The following RIT2 variants were observed in gnomAD, a reference collection of about 807,000 sequenced individuals.
The protein encoded by RIT2 is GTP-binding protein Rit2.
Under a neutral mutation model 23.7 loss-of-function variants are expected in RIT2, and 24 were observed. The ratio of observed to expected loss-of-function variants is 1.01; its 90% CI spans 0.73 to 1.43. The LOEUF is 1.43. Among genes scored for constraint, RIT2 ranks in the 40% most tolerant of loss-of-function variants. RIT2 has a pLI of 0.00. For missense variants in RIT2, 236 were observed against 266.9 expected, an observed-to-expected ratio of 0.88 and a Z score of 0.81; for synonymous variants, 107 against 91.1, an observed-to-expected ratio of 1.17 and a Z score of -0.99.
chr18:42,763,976 G>A (rs970078530), intron 4 of RIT2, among the ~76,000 whole-genome samples: 1 of 152,204 alleles, frequency 6.6e-6, no homozygotes, highest in African/African-American at 2.4e-5. Flanking sequence ...GACCACCATT[G>A]TAGATGCAGT....
intron 4 of RIT2, among the ~76,000 whole-genome samples, chr18:42,819,693 A>G (rs952708064): frequency 3.3e-5 from 5 of 152,114 alleles, no homozygotes; most frequent in Admixed American, 1.3e-4. Flanking sequence ...AACATGTACA[A>G]CTGTTCTACC....
At chr18:42,788,604 C>T (rs184535490) in intron 4 of RIT2, among the ~76,000 whole-genome samples, 3 of 152,180 alleles carry the variant, frequency 2.0e-5, no homozygotes, top group Non-Finnish European at 4.4e-5. Context: ...TTAATATCAC[C>T]ACCAATTTTG....
chr18:43,015,569 CATG>C (rs1297876219), intron 2 of RIT2, among the ~76,000 whole-genome samples: 1 of 151,646 alleles, frequency 6.6e-6, no homozygotes, highest in Non-Finnish European at 1.5e-5. Context: ...CAAATAAAAA[CATG>C]ATAATTTTTG....
rs552913456 is a variant in RIT2 at position 42,788,654 on chromosome 18, A to G, written c.427-44934T>C. Among the ~76,000 whole-genome samples, 93 of 152,308 alleles carry G rather than the reference A, an allele frequency of 6.1e-4. No homozygotes were observed. The South Asian group carries it at 0.018, about 30-fold the overall frequency. On this transcript the variant is annotated intron_variant, in intron 4 of 4. Coordinates refer to ENST00000326695, the MANE Select transcript of RIT2 (RefSeq NM_002930.4). ...AAGTATTGGAAACCTCTCCAGCTCC[A>G]TGTAGTAGATGTAAATTTCCAAAAT... is the stretch of plus-strand genomic sequence containing the variant.
chr18:42,992,279 G>T (rs1430066206), intron 2 of RIT2, among the ~76,000 whole-genome samples: 1 of 152,090 alleles, frequency 6.6e-6, no homozygotes, highest in Admixed American at 6.5e-5. Context: ...ACTTGATAGT[G>T]GTCCCAAATA....
chr18:43,010,281 A>G (rs1366504744), intron 2 of RIT2, among the ~76,000 whole-genome samples: 1 of 151,844 alleles, frequency 6.6e-6, no homozygotes, highest in East Asian at 1.9e-4. Flanking sequence ...TCTAATAGAA[A>G]GGAATTAATG....
chr18:42,769,991 A>T (rs1913512405), intron 4 of RIT2, among the ~76,000 whole-genome samples: 1 of 151,952 alleles, frequency 6.6e-6, no homozygotes. Flanking sequence ...GTTTCTACAG[A>T]TCCAAGACAG....
chr18:43,008,376 G>T (rs947902234), intron 2 of RIT2, among the ~76,000 whole-genome samples: 1 of 151,120 alleles, frequency 6.6e-6, no homozygotes, highest in African/African-American at 2.4e-5. Context: ...TTTATCAATG[G>T]AGTTATAAAA....
chr18:42,920,155 T>G (rs1909018326), intron 4 of RIT2, among the ~76,000 whole-genome samples: 1 of 152,134 alleles, frequency 6.6e-6, no homozygotes, highest in South Asian at 2.1e-4. Context: ...TCCTGATTCT[T>G]CCTGCTCCTC....
chr18:42,782,699 G>C (rs368440805), intron 4 of RIT2, among the ~76,000 whole-genome samples: 4 of 152,234 alleles, frequency 2.6e-5, no homozygotes, highest in South Asian at 2.1e-4. Flanking sequence ...GAGAATCATA[G>C]AAACTGAAAA....
At chr18:42,765,109 A>C (rs1222560027) in intron 4 of RIT2, among the ~76,000 whole-genome samples, 1 of 152,230 alleles carries the variant, frequency 6.6e-6, no homozygotes, top group Non-Finnish European at 1.5e-5. Flanking sequence ...AATGCATAAT[A>C]AATACATTTG....
At chr18:42,866,235 C>T (rs918912011) in intron 4 of RIT2, among the ~76,000 whole-genome samples, 1 of 152,148 alleles carries the variant, frequency 6.6e-6, no homozygotes, top group Non-Finnish European at 1.5e-5. Context: ...AACTAATGCA[C>T]ATGTCTTGTT....
At chr18:42,746,984 A>C (rs1912931971) in intron 4 of RIT2, among the ~76,000 whole-genome samples, 1 of 152,076 alleles carries the variant, frequency 6.6e-6, no homozygotes, top group Admixed American at 6.6e-5. Context: ...TTCCCCTGAG[A>C]ACATGAACAT....
intron 2 of RIT2, among the ~76,000 whole-genome samples, chr18:42,982,419 C>T (rs1325976124): frequency 6.6e-6 from 1 of 152,130 alleles, no homozygotes; most frequent in Non-Finnish European, 1.5e-5. Context: ...CTCCCACATA[C>T]ACACCCAAAA....
At chr18:43,033,679 T>C (rs1222661196) in intron 2 of RIT2, 132 bp downstream of exon 2, 8 of 664,648 alleles carry the variant, frequency 1.2e-5, no homozygotes, top group South Asian at 1.8e-5. Flanking sequence ...TTACATATGA[T>C]AGATTTGTGT....
intron 2 of RIT2, among the ~76,000 whole-genome samples, chr18:42,996,394 A>G (rs1910984370): frequency 6.6e-6 from 1 of 152,156 alleles, no homozygotes. Context: ...ATAAGAAGAC[A>G]GGAATGTCAG....
intron 4 of RIT2, among the ~76,000 whole-genome samples, chr18:42,860,475 C>G (rs1907296919): frequency 6.6e-6 from 1 of 152,092 alleles, no homozygotes; most frequent in African/African-American, 2.4e-5. Flanking sequence ...TTCCAGTGTT[C>G]TCATTGCTTT....
At chr18:42,892,971 A>C (rs1908221465) in intron 4 of RIT2, among the ~76,000 whole-genome samples, 1 of 152,144 alleles carries the variant, frequency 6.6e-6, no homozygotes, top group Non-Finnish European at 1.5e-5. Flanking sequence ...ATTATTAGTA[A>C]AGCATGGAGG....
intron 4 of RIT2, among the ~76,000 whole-genome samples, chr18:42,844,839 CT>C (rs1450993769): frequency 1.3e-5 from 2 of 152,088 alleles, no homozygotes; most frequent in Non-Finnish European, 2.9e-5. Flanking sequence ...GGACCTGCCC[CT>C]ATCTGCCTAG....
Sources: allele counts gnomAD v4.1 joint callset (sites outside exome capture counted in the v4.1 genomes callset), GRCh38; gene constraint gnomAD v4.1.1; transcripts MANE v1.5; gene names NCBI Gene and HGNC (gene_info 2026-07-23, HGNC 2026-07-21).